PLEC: variants seen among roughly 807,000 people sequenced by gnomAD.
PLEC encodes the protein hemidesmosomal protein 1.
A neutral mutation model predicts 392.8 loss-of-function variants in PLEC; 216 were observed. The observed-to-expected ratio is 0.55, with a 90% CI of 0.49 to 0.62. PLEC has a LOEUF of 0.62. Among genes scored for constraint, PLEC ranks in the 20% least tolerant of loss-of-function variants. PLEC has a pLI of 0.00. For synonymous variants in PLEC, 3,621 were observed against 2,980.6 expected (o/e 1.21, Z -7.00); for missense variants, 6,863 against 6,563.4 (o/e 1.05, Z -1.58).
At chr8:143,945,153 C>A in intron 1 of PLEC, 1 of 446,768 alleles carries the variant, frequency 2.2e-6, no homozygotes, top group Non-Finnish European at 4.5e-6. Flanking sequence ...CTGCGCAGGT[C>A]ACTCAACACA....
chr8:143,965,820 G>C (rs986501636), intron 1 of PLEC, among the ~76,000 whole-genome samples: 4 of 152,122 alleles, frequency 2.6e-5, no homozygotes, highest in African/African-American at 4.8e-5. Flanking sequence ...CGACCACTCA[G>C]TACTCACCCT....
chr8:143,950,851 G>A, exon 1 of PLEC: 5 of 1,461,360 alleles, frequency 3.4e-6, no homozygotes, highest in Non-Finnish European at 2.7e-6. Context: ...GGCAGGCTGG[G>A]GTGCTGAGCG....
At position 143,922,699 on chromosome 8, in the gene PLEC, C is replaced by G. The variant is rs201578404; in HGVS notation, c.7230G>C (p.Ala2410=). The G allele has an allele frequency of 1.4e-5, 22 of 1,612,606 alleles. No homozygotes were observed. Among genetic ancestry groups the G allele is most frequent in the Middle Eastern group, 1.7e-4 (1 of 5,874 alleles). The part of the protein sequence containing the change: ...EEDAQRFRKQ[A]EEIGEKLHRT... ...GGTGCAGCTTCTCACCGATCTCCTC[C>G]GCCTGCTTCCGGAAGCGCTGGGCGT... The change falls in exon 31 of 32, where the codon GCG becomes GCC. Residue 2410 remains alanine (A), a synonymous_variant. Transcript: ENST00000345136.
rs1554718671 is a variant in PLEC at position 143,933,028 on chromosome 8, G to C, written c.1502C>G (p.Thr501Ser). The change falls in exon 14 of 32, where the codon ACC becomes AGC. Residue 501 changes from threonine to serine, a missense_variant. Coordinates refer to ENST00000345136, the MANE Select transcript of PLEC (RefSeq NM_201384.3). ...CTGCAGAGTCACCTGGGCCACCTGG[G>C]TTGCAGGGGCCGCCACGCCTGCCTT... ...RLKAGVAAPA[T>S]QVAQVTLQSV... The C allele has an allele frequency of 1.2e-6, 2 of 1,600,040 alleles. No individual in the cohort carries two copies. The highest frequency in any genetic ancestry group is 2.2e-5 in the South Asian group (2 of 89,416).
rs781875346 is a variant in PLEC at position 143,923,161 on chromosome 8, C to T, written c.6768G>A (p.Leu2256=). 20 of 1,602,820 alleles carry T rather than the reference C, an allele frequency of 1.2e-5. No homozygotes were observed. In the East Asian group the frequency reaches 1.3e-4, roughly 11 times the overall value. The stretch of plus-strand genomic sequence containing the variant: ...AGCGCTGCGTATTGTCCTTGTCACG[C>T]AAGATGAGTGCGCGGTTCTCAGCCT... The part of the protein sequence containing the change: ...RIEAENRALI[L]RDKDNTQRFL... The change falls in exon 31 of 32, where the codon TTG becomes TTA. Residue 2256 remains leucine, a synonymous_variant. Transcript: ENST00000345136.
upstream of PLEC, chr8:143,975,042 C>T: frequency 1.0e-6 from 1 of 997,680 alleles, no homozygotes; most frequent in Non-Finnish European, 1.5e-6. The surrounding 1 kb of genome is among the most constrained non-coding windows in gnomAD (Gnocchi z 9.9). Flanking sequence ...ACCTGGGACG[C>T]GCGAGGCCCT....
chr8:143,949,080 C>A (rs1278346673), intron 1 of PLEC, among the ~76,000 whole-genome samples: 1 of 152,216 alleles, frequency 6.6e-6, no homozygotes, highest in East Asian at 1.9e-4. Flanking sequence ...CCCAGATGGG[C>A]CCAAGGCAAG....
chr8:143,923,340 C>T lies in PLEC; in HGVS notation c.6589G>A (p.Glu2197Lys). The change falls in exon 31 of 32, where the codon GAG becomes AAG. Residue 2197 changes from glutamate (E) to lysine (K), a missense_variant. Transcript: ENST00000345136. ...ELTTLRLQLE[E>K]TDHQKNLLDE... ...AGCAGGTTCTTCTGGTGGTCGGTCT[C>T]CTCCAGCTGCAGCCGCAGTGTTGTC... is the stretch of plus-strand genomic sequence containing the variant. 1 of 1,610,226 alleles carries T rather than the reference C, an allele frequency of 6.2e-7. No homozygotes were observed. Among genetic ancestry groups the T allele is most frequent in the Non-Finnish European group, 8.5e-7 (1 of 1,179,470 alleles).
chr8:143,970,443 G>A (rs1395202435), intron 1 of PLEC, among the ~76,000 whole-genome samples: 1 of 152,172 alleles, frequency 6.6e-6, no homozygotes, highest in Non-Finnish European at 1.5e-5. Flanking sequence ...CCCCTTTACA[G>A]GGAGCTCAGA....
In PLEC at chr8:143,918,726, C is replaced by A; in HGVS notation, c.11095G>T (p.Gly3699Cys). ...TAGATGCTCAGTGTCTGCCTGGAAC[C>A]GGGCAGGTAGACACCAGCCACGGAG... ...TGSVAGVYLP[G>C]SRQTLSIYQA... is the part of the protein sequence containing the mutation. Residue 3699 changes from glycine (G) to cysteine (C), a missense_variant, in exon 32 of 32, where the codon GGT (glycine) becomes TGT (cysteine). By Grantham distance (159) the Gly-to-Cys change is radical. Transcript: ENST00000345136. The A allele has an allele frequency of 6.2e-7, 1 of 1,613,000 alleles. No individual in the cohort carries two copies. Among genetic ancestry groups the A allele is most frequent in the Non-Finnish European group, 8.5e-7 (1 of 1,180,018 alleles).
At chr8:143,947,083 G>C (rs1202056472) in intron 1 of PLEC, among the ~76,000 whole-genome samples, 1 of 152,174 alleles carries the variant, frequency 6.6e-6, no homozygotes, top group African/African-American at 2.4e-5. Flanking sequence ...CGGGTGACTC[G>C]GCCAAGCCAG....
rs1490009098 is a variant in PLEC, at chr8:143,932,581, T to C, written c.1816-20A>G. 5.6e-6 allele frequency: 9 copies of C among 1,612,110 alleles called. No homozygotes were observed. Among genetic ancestry groups the C allele is most frequent in the African/African-American group, 1.3e-5 (1 of 74,858 alleles). ...GGAGTTCTGTGGGCAGGAGGGTGCG[T>C]GTCAGCAGGCCGCGGGCTACCCACC... On this transcript the variant is annotated intron_variant, in intron 15 of 31. Transcript: ENST00000345136.
At chr8:143,961,905 C>G (rs1239757629) in intron 1 of PLEC, among the ~76,000 whole-genome samples, 6 of 152,082 alleles carry the variant, frequency 3.9e-5, no homozygotes, top group Admixed American at 1.3e-4. Context: ...ATTCTGGGCT[C>G]AAGAGATCCT....
In PLEC at chr8:143,925,888, T is replaced by G; in HGVS notation, c.4045-4A>C. ...CCCGCTGCTGCTCAGCCAGCCTCTG[T>G]GGCCACAGCAGAGAGAAGAAGAGAA... On this transcript the variant is annotated splice_region_variant and splice_polypyrimidine_tract_variant and intron_variant, in intron 30 of 31. Coordinates refer to ENST00000345136, the MANE Select transcript of PLEC (RefSeq NM_201384.3). 1 of 1,541,074 alleles carries G rather than the reference T, an allele frequency of 6.5e-7. No individual in the cohort carries two copies.
In PLEC at chr8:143,923,337, TCTC is replaced by T. The variant is rs1356836076; in HGVS notation, c.6589_6591del (p.Glu2197del). On this transcript the variant is annotated inframe_deletion, in exon 31 of 32. Coordinates refer to ENST00000345136, the MANE Select transcript of PLEC (RefSeq NM_201384.3). Reference sequence around the variant, plus strand: ...TCCAGCAGGTTCTTCTGGTGGTCGGTCTCCTCCAGCTGCAGCCGCAGTGTTGTC... The same window carrying T: ...TCCAGCAGGTTCTTCTGGTGGTCGGTCTCCAGCTGCAGCCGCAGTGTTGTC... The T allele has an allele frequency of 5.0e-6, 8 of 1,609,902 alleles. No individual in the cohort carries two copies. The highest frequency in any genetic ancestry group is 5.9e-6 in the Non-Finnish European group (7 of 1,179,474).
chr8:143,959,018 A>G (rs1564223391), intron 1 of PLEC, among the ~76,000 whole-genome samples: 1 of 152,252 alleles, frequency 6.6e-6, no homozygotes, highest in Non-Finnish European at 1.5e-5. Flanking sequence ...AAAAACCAGT[A>G]TTTATAACAA....
Position 143,916,648 on chromosome 8 carries a change from C to T in PLEC, c.13173G>A (p.Gln4391=). The T allele has an allele frequency of 1.2e-6, 2 of 1,611,116 alleles. No individual in the cohort carries two copies. Among genetic ancestry groups the T allele is most frequent in the East Asian group, 2.2e-5 (1 of 44,840 alleles). Residue 4391 remains glutamine (Q), a synonymous_variant, in exon 32 of 32, where the codon CAG becomes CAA. Transcript: ENST00000345136. ...GCTCGATCAAGCCGCCGGTCAGGTA[C>T]TGCACCTCCAGGAAGCGCTGGCCGG... ...YEAGQRFLEV[Q]YLTGGLIEPD...
At chr8:143,972,180 G>T (rs1554744515) in intron 1 of PLEC, among the ~76,000 whole-genome samples, 1 of 152,206 alleles carries the variant, frequency 6.6e-6, no homozygotes, top group Non-Finnish European at 1.5e-5. Flanking sequence ...TGCCAGGAGG[G>T]CTGGAGCCCA....
chr8:143,917,348 T>C lies in PLEC; in HGVS notation c.12473A>G (p.Tyr4158Cys). ...CTGGTGGTCAATCAGGCCCTTGCGG[T>C]AGGCCTCGTACACTGACATCTCCTT... is the stretch of plus-strand genomic sequence containing the variant. ...TGKEMSVYEA[Y>C]RKGLIDHQTY... The change falls in exon 32 of 32, where the codon TAC becomes TGC. Residue 4158 changes from tyrosine (Y) to cysteine (C), a missense_variant. Transcript: ENST00000345136. 6.2e-7 allele frequency: 1 copy of C among 1,610,028 alleles called. No homozygotes were observed. Among genetic ancestry groups the C allele is most frequent in the Non-Finnish European group, 8.5e-7 (1 of 1,179,918 alleles).
Sources: allele counts gnomAD v4.1 joint callset (sites outside exome capture counted in the v4.1 genomes callset), GRCh38; gene constraint gnomAD v4.1.1; non-coding constraint Gnocchi (gnomAD v3.1); transcripts MANE v1.5; gene names NCBI Gene and HGNC (gene_info 2026-07-23, HGNC 2026-07-21).